Variants in P3H1 observed in about 807,000 individuals in gnomAD.
P3H1 encodes growth suppressor 1.
In P3H1, 69 loss-of-function variants were observed where a neutral mutation model predicts 84.0. The ratio of observed to expected loss-of-function variants is 0.82; its 90% CI spans 0.68 to 1.00. The LOEUF is 1.00. Among genes scored for constraint, P3H1 ranks in the 50% least tolerant of loss-of-function variants. The pLI is 0.00. For synonymous variants in P3H1, 366 were observed against 388.8 expected (o/e 0.94, Z 0.69); for missense variants, 878 against 962.8 (o/e 0.91, Z 1.17).
At position 42,766,653 on chromosome 1, in the gene P3H1, G is replaced by A. The variant is rs1465853187; in HGVS notation, c.319C>T (p.Leu107=). 1 of 1,563,570 alleles carries A rather than the reference G, an allele frequency of 6.4e-7. No homozygotes were observed. Among genetic ancestry groups the A allele is most frequent in the East Asian group, 2.4e-5 (1 of 42,044 alleles). ...CGCAGAAGGCCCCCGAAGAAGCTCA[G>A]GTCGCGCAGGGCGGCGGCGCCCGAG... is the stretch of plus-strand genomic sequence containing the variant. ...QASGAAALRD[L]SFFGGLLRRA... The change falls in exon 1 of 15, where the codon CTG becomes TTG. Residue 107 remains leucine (L), a synonymous_variant. Transcript: ENST00000296388.
chr1:42,765,195 A>T (rs552949934), intron 1 of P3H1, among the ~76,000 whole-genome samples: 174 of 152,044 alleles, frequency 1.1e-3, no homozygotes, highest in Non-Finnish European at 2.2e-3. Flanking sequence ...ACAAGAGTTC[A>T]TTTTTTTTCC....
intron 5 of P3H1, 126 bp from the exon 6 acceptor site, chr1:42,755,763 G>T: frequency 1.4e-6 from 1 of 722,562 alleles, no homozygotes; most frequent in Non-Finnish European, 2.5e-6. Context: ...CCCTACCAAT[G>T]CTCTCTGTCT....
In P3H1 at chr1:42,747,560, G is replaced by C. The variant is rs996155915; in HGVS notation, c.1915-148C>G. The C allele has an allele frequency of 2.9e-5, 32 of 1,100,182 alleles. 1 individual carries two copies. In the East Asian group the frequency reaches 4.5e-4, roughly 15 times the overall value. 68.2% of individuals were successfully genotyped at this position (1,100,182 alleles called of 1,614,324 possible). A position where few individuals can be genotyped will look rare whatever the true frequency, so the allele number is the denominator to read the frequency against. Reference sequence around the variant, plus strand: ...CCAGAACTAAAGAGAAAGGGTGACTGGTTAGAGGAGTGATGGACACGTCTC... The same window carrying C: ...CCAGAACTAAAGAGAAAGGGTGACTCGTTAGAGGAGTGATGGACACGTCTC... On this transcript the variant is annotated intron_variant, in intron 13 of 14. Transcript: ENST00000296388.
At chr1:42,750,476 G>GGGT (rs1238000028) in intron 10 of P3H1, 140 bp from the exon 11 acceptor site, 1 of 883,268 alleles carries the variant, frequency 1.1e-6, no homozygotes, top group Non-Finnish European at 1.8e-6. Flanking sequence ...TGAATAATGG[G>GGGT]GGTGGATCTT....
intron 10 of P3H1, chr1:42,751,778 CCCAGTCTCGGG>C (rs1652106299): frequency 5.2e-6 from 1 of 192,348 alleles, no homozygotes; most frequent in Non-Finnish European, 1.1e-5. Context: ...TTGTAAATTG[CCCAGTCTCGGG>C]TACGTCTTTA....
intron 2 of P3H1, chr1:42,761,239 G>A (rs1429381139): frequency 1.3e-5 from 2 of 152,106 alleles, no homozygotes; most frequent in African/African-American, 4.8e-5. Flanking sequence ...CAAAGTGCTG[G>A]GATTACAGGT....
intron 11 of P3H1, chr1:42,748,621 C>T (rs1480795760): frequency 5.0e-6 from 2 of 400,980 alleles, no homozygotes; most frequent in African/African-American, 4.1e-5. Flanking sequence ...ATACAAAGGC[C>T]CAGGGAAGTG....
At chr1:42,759,630 G>C (rs1484437651) in intron 2 of P3H1, among the ~76,000 whole-genome samples, 1 of 152,104 alleles carries the variant, frequency 6.6e-6, no homozygotes, top group East Asian at 1.9e-4. Flanking sequence ...GTCTCACTCT[G>C]TTGCCCAGGC....
chr1:42,763,913 G>C (rs1304698552), intron 1 of P3H1, among the ~76,000 whole-genome samples: 1 of 152,044 alleles, frequency 6.6e-6, no homozygotes, highest in African/African-American at 2.4e-5. Context: ...GGGAGGCTGA[G>C]GCGGGCGGAT....
At chr1:42,747,524 C>A (rs1479164047) in intron 13 of P3H1, 112 bp from the exon 14 acceptor site, 15 of 1,178,766 alleles carry the variant, frequency 1.3e-5, no homozygotes, top group Non-Finnish European at 1.8e-5. Context: ...TTCAGTATGG[C>A]TTCCCTAAGA....
chr1:42,754,851 C>T lies in P3H1; in HGVS notation c.1345+18G>A, dbSNP rs760317180. 1 of 1,613,970 alleles carries T rather than the reference C, an allele frequency of 6.2e-7. No homozygotes were observed. Among genetic ancestry groups the T allele is most frequent in the East Asian group, 2.2e-5 (1 of 44,892 alleles). ...TCCCTGACAACAGCCAGACATGCCC[C>T]TATTTCTGTCCTCTCACCTTCCCGG... On this transcript the variant is annotated intron_variant, in intron 8 of 14. Coordinates refer to ENST00000296388, the MANE Select transcript of P3H1 (RefSeq NM_022356.4). The surrounding 1 kb of genome is among the most constrained non-coding windows in gnomAD (Gnocchi z 4.0).
intron 1 of P3H1, 49 bp downstream of exon 1, chr1:42,766,458 T>C (rs878862543): frequency 1.3e-6 from 2 of 1,496,874 alleles, no homozygotes; most frequent in South Asian, 2.4e-5. Flanking sequence ...CCTGCAACAC[T>C]CCTCTCCCCA....
At position 42,752,569 on chromosome 1, in the gene P3H1, G is replaced by C; in HGVS notation, c.1441C>G (p.His481Asp). ...RVVMDGVISDHECQELQRLTN... is the reference protein window; with the variant it reads ...RVVMDGVISDDECQELQRLTN... ...AGTCTCTGCAGCTCCTGACACTCGT[G>C]GTCAGAGATTACGCCGTCCATCACC... Residue 481 changes from histidine to aspartate, a missense_variant, in exon 9 of 15, where the codon CAC becomes GAC. Coordinates refer to ENST00000296388, the MANE Select transcript of P3H1 (RefSeq NM_022356.4). 1.2e-6 allele frequency: 2 copies of C among 1,614,146 alleles called. No individual in the cohort carries two copies. Among genetic ancestry groups the C allele is most frequent in the Non-Finnish European group, 1.7e-6 (2 of 1,180,036 alleles).
At chr1:42,765,338 G>C (rs986955487) in intron 1 of P3H1, among the ~76,000 whole-genome samples, 1 of 152,196 alleles carries the variant, frequency 6.6e-6, no homozygotes, top group African/African-American at 2.4e-5. Flanking sequence ...GATAAAGCTA[G>C]AGTCTCCCTC....
rs2124108863 is a variant in P3H1 at position 42,752,332 on chromosome 1, G to A, written c.1511C>T (p.Thr504Ile). ...ATSGDGYRGQ[T>I]SPHTPNEKFY... Reference sequence around the variant, plus strand: ...CTTTTCATTGGGAGTATGTGGGGAGGTCTGACCCCGGTAGCCATCTCCTGA... The same window carrying A: ...CTTTTCATTGGGAGTATGTGGGGAGATCTGACCCCGGTAGCCATCTCCTGA... Residue 504 changes from threonine to isoleucine, a missense_variant, in exon 10 of 15, where the codon ACC becomes ATC. Coordinates refer to ENST00000296388, the MANE Select transcript of P3H1 (RefSeq NM_022356.4). 4 of 1,614,144 alleles carry A rather than the reference G, an allele frequency of 2.5e-6. No individual in the cohort carries two copies. The highest frequency in any genetic ancestry group is 3.4e-6 in the Non-Finnish European group (4 of 1,180,042).
intron 10 of P3H1, 104 bp from the exon 11 acceptor site, chr1:42,750,440 G>T: frequency 7.6e-7 from 1 of 1,310,460 alleles, no homozygotes; most frequent in Non-Finnish European, 1.1e-6. Context: ...CCCATGTGTT[G>T]TGGAAGGGAC....
chr1:42,759,445 C>T (rs1326835158), intron 2 of P3H1, 55 bp from the exon 3 acceptor site: 2 of 1,523,248 alleles, frequency 1.3e-6, no homozygotes, highest in Admixed American at 1.7e-5. Context: ...ACCCTCTCTC[C>T]TTGCCCTCAG....
intron 5 of P3H1, among the ~76,000 whole-genome samples, chr1:42,756,119 G>A (rs1652390059): frequency 6.6e-6 from 1 of 152,186 alleles, no homozygotes; most frequent in Non-Finnish European, 1.5e-5. Flanking sequence ...GAGGCACAGA[G>A]GAGATGTACC....
chr1:42,759,142 A>C, intron 3 of P3H1, 59 bp downstream of exon 3: 1 of 1,588,460 alleles, frequency 6.3e-7, no homozygotes, highest in Non-Finnish European at 8.6e-7. Flanking sequence ...ATATTATCAG[A>C]TGGTGACCTT....
Sources: gnomAD v4.1 joint callset for allele counts (sites outside exome capture counted in the v4.1 genomes callset) on GRCh38, gnomAD v4.1.1 for gene constraint, Gnocchi (gnomAD v3.1) non-coding constraint, MANE v1.5 for transcripts, NCBI Gene and HGNC (gene_info 2026-07-23, HGNC 2026-07-21) for gene names.